The following DMRT1 variants were observed in gnomAD, a reference collection of about 807,000 sequenced individuals.
DMRT1 encodes the protein doublesex- and mab-3-related transcription factor 1.
In DMRT1, 7 loss-of-function variants were observed where a neutral mutation model predicts 32.3. That is an observed-to-expected ratio of 0.22 (90% CI 0.12 to 0.41). The LOEUF is 0.41. Ranked by LOEUF, DMRT1 falls within the 10% of genes least tolerant of loss-of-function variation. DMRT1 has a pLI of 1.00. For missense variants in DMRT1, 625 were observed against 500.5 expected (o/e 1.25, Z -2.37); for synonymous variants, 278 against 206.1 (o/e 1.35, Z -2.99).
chr9:967,992 G>A lies in DMRT1; in HGVS notation c.975G>A (p.Ser325=). ...TCTCACCTCACTTCGCAGTATTCTC[G>A]CCGCCCAGCAGTCAAGATTCTGGCT... ...SYPEARASVF[S]PPSSQDSGLV... Residue 325 remains serine (S), a synonymous_variant, in exon 5 of 5, where the codon TCG becomes TCA. Coordinates refer to ENST00000382276, the MANE Select transcript of DMRT1 (RefSeq NM_021951.3). 3 of 1,613,450 alleles carry A rather than the reference G, an allele frequency of 1.9e-6. No homozygotes were observed. Among genetic ancestry groups the A allele is most frequent in the Non-Finnish European group, 2.5e-6 (3 of 1,179,974 alleles).
intron 2 of DMRT1, among the ~76,000 whole-genome samples, chr9:880,434 TG>T (rs1246418023): frequency 6.6e-6 from 1 of 152,004 alleles, no homozygotes; most frequent in Non-Finnish European, 1.5e-5. Flanking sequence ...TTAGTATACT[TG>T]GGTAGCTTGG....
intron 2 of DMRT1, among the ~76,000 whole-genome samples, chr9:857,259 A>G (rs1351311361): frequency 6.6e-6 from 1 of 152,122 alleles, no homozygotes; most frequent in East Asian, 1.9e-4. Context: ...GGGAGCTGAG[A>G]TTGCTCCACT....
At chr9:957,477 C>T (rs1334186893) in intron 4 of DMRT1, among the ~76,000 whole-genome samples, 2 of 152,188 alleles carry the variant, frequency 1.3e-5, no homozygotes, top group African/African-American at 4.8e-5. Flanking sequence ...TTTCTTATTT[C>T]TCTTCAGCCC....
intron 2 of DMRT1, among the ~76,000 whole-genome samples, chr9:890,899 A>ATT (rs374362586): frequency 1.4e-4 from 20 of 146,062 alleles, no homozygotes; most frequent in African/African-American, 4.3e-4. Flanking sequence ...TTTTTTTTGT[A>ATT]TTTTTTTTTT....
At chr9:842,639 G>T (rs1217866269) in intron 1 of DMRT1, 2 of 159,404 alleles carry the variant, frequency 1.3e-5, no homozygotes, top group African/African-American at 4.8e-5. Flanking sequence ...GCGGCGCTTG[G>T]GGTCCTGGGC....
intron 3 of DMRT1, among the ~76,000 whole-genome samples, chr9:907,657 A>G (rs1419754148): frequency 6.6e-6 from 1 of 152,212 alleles, no homozygotes; most frequent in Admixed American, 6.5e-5. Context: ...AAGAAACTGT[A>G]TTCCAGTATA....
chr9:898,596 C>T (rs1817459646), intron 3 of DMRT1, among the ~76,000 whole-genome samples: 1 of 152,176 alleles, frequency 6.6e-6, no homozygotes. Flanking sequence ...GGTTGCTGCC[C>T]TGCTTTTCTG....
chr9:954,078 A>G (rs1819516513), intron 4 of DMRT1, among the ~76,000 whole-genome samples: 1 of 152,144 alleles, frequency 6.6e-6, no homozygotes, highest in South Asian at 2.1e-4. Context: ...GCATGAACTC[A>G]GCATCAAAGG....
chr9:852,392 A>G (rs535700719), intron 2 of DMRT1, among the ~76,000 whole-genome samples: 12 of 149,320 alleles, frequency 8.0e-5, no homozygotes, highest in African/African-American at 2.7e-4. Flanking sequence ...TTTAGCATAA[A>G]ATGTACTTTT....
intron 2 of DMRT1, among the ~76,000 whole-genome samples, chr9:879,485 G>T (rs1368186357): frequency 1.3e-5 from 2 of 152,100 alleles, no homozygotes; most frequent in Admixed American, 1.3e-4. Flanking sequence ...TGCTGCTTCA[G>T]GTAGGCTGTT....
intron 2 of DMRT1, among the ~76,000 whole-genome samples, chr9:890,930 A>G (rs1817123643): frequency 6.6e-6 from 1 of 151,168 alleles, no homozygotes; most frequent in African/African-American, 2.4e-5. Context: ...GGGTTTCACC[A>G]TGTTGGTCAG....
At chr9:879,779 C>G (rs893178668) in intron 2 of DMRT1, among the ~76,000 whole-genome samples, 1 of 152,182 alleles carries the variant, frequency 6.6e-6, no homozygotes, top group Non-Finnish European at 1.5e-5. Context: ...GCCATAGACT[C>G]TCTTATACTT....
intron 4 of DMRT1, among the ~76,000 whole-genome samples, chr9:927,897 T>TC (rs1323131282): frequency 1.3e-5 from 2 of 152,182 alleles, no homozygotes; most frequent in African/African-American, 4.8e-5. Context: ...CCCGGGAGTA[T>TC]TGTGGTACAT....
At chr9:852,053 C>T (rs1815164147) in intron 2 of DMRT1, among the ~76,000 whole-genome samples, 1 of 151,562 alleles carries the variant, frequency 6.6e-6, no homozygotes, top group Non-Finnish European at 1.5e-5. Flanking sequence ...GATTCTGGTG[C>T]CTGAGCCTCT....
chr9:920,519 G>A (rs57482601), intron 4 of DMRT1, among the ~76,000 whole-genome samples: 25,999 of 152,088 alleles, frequency 0.17, 2,839 homozygotes, highest in African/African-American at 0.29. Flanking sequence ...TTGGTGGGAG[G>A]TGAGAACCAA....
chr9:845,133 A>C (rs966992413), intron 1 of DMRT1, among the ~76,000 whole-genome samples: 3 of 152,212 alleles, frequency 2.0e-5, no homozygotes, highest in African/African-American at 7.2e-5. Context: ...CCTTAGTTTC[A>C]ACAGAAAGTC....
rs1315835519 is a variant in DMRT1, at chr9:965,339, G to A, written c.968-2646G>A. On this transcript the variant is annotated intron_variant, in intron 4 of 4. Coordinates refer to ENST00000382276, the MANE Select transcript of DMRT1 (RefSeq NM_021951.3). This position sits in a 1 kb window ranked among gnomAD's most constrained non-coding sequence, Gnocchi z 4.5. Reference sequence around the variant, plus strand: ...AGTGGAGAAACACTATAAACAATACGGCTGTTTTTCAAAACAGGGTGAGTT... The same window carrying A: ...AGTGGAGAAACACTATAAACAATACAGCTGTTTTTCAAAACAGGGTGAGTT... Among the ~76,000 whole-genome samples the A allele has an allele frequency of 2.0e-5, 3 of 152,224 alleles. No homozygotes were observed. Among genetic ancestry groups the A allele is most frequent in the Middle Eastern group, 6.8e-3 (2 of 294 alleles).
chr9:865,006 C>T (rs1161531297), intron 2 of DMRT1, among the ~76,000 whole-genome samples: 1 of 152,138 alleles, frequency 6.6e-6, no homozygotes, highest in African/African-American at 2.4e-5. Flanking sequence ...TTTCTAGAGG[C>T]TAATCTTATT....
chr9:943,895 G>A (rs1819157721), intron 4 of DMRT1, among the ~76,000 whole-genome samples: 1 of 152,194 alleles, frequency 6.6e-6, no homozygotes. Context: ...AGAGTATGTG[G>A]TTGGCTTTTG....
Sources: gnomAD v4.1 joint callset for allele counts (sites outside exome capture counted in the v4.1 genomes callset) on GRCh38, gnomAD v4.1.1 for gene constraint, Gnocchi (gnomAD v3.1) non-coding constraint, MANE v1.5 for transcripts, NCBI Gene and HGNC (gene_info 2026-07-23, HGNC 2026-07-21) for gene names.